Variants in SBSPON observed in about 807,000 individuals in gnomAD.
SBSPON encodes somatomedin B and thrombospondin type 1 domain containing, also known as somatomedin-B and thrombospondin type-1 domain-containing protein.
A neutral mutation model predicts 35.8 loss-of-function variants in SBSPON; 30 were observed. That is an observed-to-expected ratio of 0.84 (90% CI 0.63 to 1.14). The LOEUF is 1.14. Among genes scored for constraint, SBSPON ranks in the 50% most tolerant of loss-of-function variants. SBSPON has a pLI of 0.00. For synonymous variants in SBSPON, 136 were observed against 135.9 expected, an observed-to-expected ratio of 1.00 and a Z score of 0.00; for missense variants, 364 against 357.7, an observed-to-expected ratio of 1.02 and a Z score of -0.14.
chr8:73,077,870 T>G (rs539272745), intron 2 of SBSPON, among the ~76,000 whole-genome samples: 127 of 152,324 alleles, frequency 8.3e-4, no homozygotes, highest in Non-Finnish European at 1.5e-3. Flanking sequence ...TCTCTCTCTC[T>G]TATGGAATGA....
chr8:73,082,299 C>T (rs1338066703), intron 1 of SBSPON, among the ~76,000 whole-genome samples: 3 of 152,028 alleles, frequency 2.0e-5, no homozygotes, highest in Admixed American at 6.6e-5. Flanking sequence ...GAAGACATGC[C>T]CATGACCTAG....
In SBSPON at chr8:73,067,309, A is replaced by AC; in HGVS notation, c.*31dup. On this transcript the variant is annotated 3_prime_UTR_variant, in exon 5 of 5. Coordinates refer to ENST00000297354, the MANE Select transcript of SBSPON (RefSeq NM_153225.4). ...TGACTTGAGAATATTTAGAATGTTT[A>AC]CAAATGCATTTGGAAATATTTATAT... 8.2e-7 allele frequency: 1 copy of AC among 1,224,760 alleles called. No homozygotes were observed. The highest frequency in any genetic ancestry group is 1.5e-5 in the African/African-American group (1 of 67,296). The allele number at this position is 1,224,760 out of a possible 1,614,324, so 75.9% of individuals were successfully genotyped here.
At chr8:73,080,501 C>T (rs973573225) in intron 2 of SBSPON, among the ~76,000 whole-genome samples, 16 of 152,120 alleles carry the variant, frequency 1.1e-4, no homozygotes, top group African/African-American at 3.6e-4. Context: ...GGTGACAGAG[C>T]GAGACTCTGT....
intron 2 of SBSPON, chr8:73,074,536 C>T: frequency 1.0e-6 from 1 of 969,430 alleles, no homozygotes; most frequent in Non-Finnish European, 1.2e-6. Flanking sequence ...TATAGCACAG[C>T]CAGGCAACGT....
chr8:73,085,475 T>C (rs1352478732), intron 1 of SBSPON: 1 of 152,006 alleles, frequency 6.6e-6, no homozygotes, highest in East Asian at 1.9e-4. Context: ...CCACTCATGG[T>C]CTGACATGGT....
chr8:73,075,375 C>A (rs567090598), intron 2 of SBSPON, among the ~76,000 whole-genome samples: 5 of 152,204 alleles, frequency 3.3e-5, no homozygotes, highest in East Asian at 1.9e-4. Flanking sequence ...ACACCCCCCC[C>A]AAATTCACTT....
In SBSPON at chr8:73,081,194, C is replaced by A. The variant is rs760992338; in HGVS notation, c.234G>T (p.Gly78=). The A allele has an allele frequency of 2.5e-6, 4 of 1,588,372 alleles. No homozygotes were observed. Among genetic ancestry groups the A allele is most frequent in the Non-Finnish European group, 3.4e-6 (4 of 1,165,758 alleles). The change falls in exon 2 of 5, where the codon GGG becomes GGT. Residue 78 remains glycine, a synonymous_variant. Coordinates refer to ENST00000297354, the MANE Select transcript of SBSPON (RefSeq NM_153225.4). Reference sequence around the variant, plus strand: ...CACAACCACTCCAGGGGCTCCATTCCCCCACGAAGCACGGGCGAGCTGAAA... The same window carrying A: ...CACAACCACTCCAGGGGCTCCATTCACCCACGAAGCACGGGCGAGCTGAAA... ...RACPARPCFV[G]EWSPWSGCAD...
rs1404946600 is a variant in SBSPON at position 73,067,069 on chromosome 8, C to T, written c.*272G>A. 1.0e-5 allele frequency: 3 copies of T among 289,440 alleles called. No individual in the cohort carries two copies. Among genetic ancestry groups the T allele is most frequent in the East Asian group, 5.8e-5 (1 of 17,122 alleles). The allele number at this position is 289,440 out of a possible 1,614,324, so 17.9% of individuals were successfully genotyped here. Reference sequence around the variant, plus strand: ...AAACAGACATGTATTCTGTGTCTCACGGGCCACCTGCTGAATGAGAGGACT... The same window carrying T: ...AAACAGACATGTATTCTGTGTCTCATGGGCCACCTGCTGAATGAGAGGACT... On this transcript the variant is annotated 3_prime_UTR_variant, in exon 5 of 5. Transcript: ENST00000297354.
At chr8:73,068,047 A>G (rs950272393) in intron 4 of SBSPON, among the ~76,000 whole-genome samples, 2 of 152,222 alleles carry the variant, frequency 1.3e-5, no homozygotes, top group African/African-American at 4.8e-5. Context: ...TTAAACTGGG[A>G]GGTCTGAACT....
chr8:73,079,865 G>A (rs955990577), intron 2 of SBSPON, among the ~76,000 whole-genome samples: 4 of 151,982 alleles, frequency 2.6e-5, no homozygotes, highest in African/African-American at 7.3e-5. Context: ...TGACCCCAGC[G>A]CCAGCCCAGC....
intron 1 of SBSPON, among the ~76,000 whole-genome samples, chr8:73,086,673 G>GA (rs34254938): frequency 0.67 from 102,184 of 151,888 alleles, 34,413 homozygotes; most frequent in East Asian, 0.76. Flanking sequence ...ACATTTACTG[G>GA]CTAGTTCCTG....
At chr8:73,081,324 C>A in intron 1 of SBSPON, 111 bp from the exon 2 acceptor site, 1 of 883,294 alleles carries the variant, frequency 1.1e-6, no homozygotes, top group Non-Finnish European at 1.7e-6. Context: ...TTGCCTGGCC[C>A]CAGGCCCTGT....
intron 4 of SBSPON, among the ~76,000 whole-genome samples, chr8:73,068,679 G>A (rs9298214): frequency 0.4 from 60,278 of 151,840 alleles, 12,563 homozygotes; most frequent in Non-Finnish European, 0.46. Flanking sequence ...TACCGCAGAG[G>A]TGACCCCACC....
At chr8:73,091,256 CCA>C (rs1276309851) in intron 1 of SBSPON, among the ~76,000 whole-genome samples, 6 of 152,224 alleles carry the variant, frequency 3.9e-5, no homozygotes, top group African/African-American at 1.4e-4. Context: ...CCAGGCTCGC[CCA>C]TTACTTCCTC....
chr8:73,065,791 A>AT lies in SBSPON; in HGVS notation c.*1549_*1550insA, dbSNP rs367707445. 124 of 152,288 alleles carry AT rather than the reference A, an allele frequency of 8.1e-4. 1 individual carries two copies. The highest frequency in any genetic ancestry group is 2.8e-3 in the African/African-American group (117 of 41,556). 9.4% of individuals were successfully genotyped at this position (152,288 alleles called of 1,614,324 possible). On this transcript the variant is annotated 3_prime_UTR_variant, in exon 5 of 5. Transcript: ENST00000297354. Reference sequence around the variant, plus strand: ...GAGACTCTGTCTCAAAGAAAAAAAAACTTTTAAGTAACATTGGAAATTACC... The same window carrying AT: ...GAGACTCTGTCTCAAAGAAAAAAAAATCTTTTAAGTAACATTGGAAATTACC...
At chr8:73,076,336 A>G (rs947036689) in intron 2 of SBSPON, among the ~76,000 whole-genome samples, 64 of 152,302 alleles carry the variant, frequency 4.2e-4, no homozygotes, top group African/African-American at 1.5e-3. Context: ...ACAAAGAATT[A>G]AGGTTACAGG....
At chr8:73,081,891 G>A (rs1392182784) in intron 1 of SBSPON, among the ~76,000 whole-genome samples, 2 of 152,188 alleles carry the variant, frequency 1.3e-5, no homozygotes, top group African/African-American at 4.8e-5. Flanking sequence ...AGTATTCACG[G>A]TCACCCATGA....
intron 1 of SBSPON, 121 bp from the exon 2 acceptor site, chr8:73,081,334 T>C: frequency 1.3e-6 from 1 of 754,228 alleles, no homozygotes; most frequent in South Asian, 2.4e-5. Context: ...CCAGGCCCTG[T>C]ATCAGGAGAC....
rs1177118865 is a variant in SBSPON, at chr8:73,067,552, A to G, written c.678-94T>C. 4.5e-6 allele frequency: 3 copies of G among 672,178 alleles called. No homozygotes were observed. The Admixed American group carries it at 6.0e-5, about 13-fold the overall frequency. The allele number at this position is 672,178 out of a possible 1,614,324, so 41.6% of individuals were successfully genotyped here. On this transcript the variant is annotated intron_variant, in intron 4 of 4. Coordinates refer to ENST00000297354, the MANE Select transcript of SBSPON (RefSeq NM_153225.4). ...TAAAACTCGGAGTTAAAAAAAACTG[A>G]TCACAGCCTGAGCAATATAGTGAAA...
Sources: allele counts gnomAD v4.1 joint callset (sites outside exome capture counted in the v4.1 genomes callset), GRCh38; gene constraint gnomAD v4.1.1; transcripts MANE v1.5; gene names NCBI Gene and HGNC (gene_info 2026-07-23, HGNC 2026-07-21).